Variants in PPP1R13L observed in about 807,000 individuals in gnomAD.
PPP1R13L encodes protein phosphatase 1 regulatory subunit 13 like.
Under a neutral mutation model 80.9 loss-of-function variants are expected in PPP1R13L, and 50 were observed. The ratio of observed to expected loss-of-function variants is 0.62; its 90% confidence interval spans 0.49 to 0.78. PPP1R13L has a LOEUF of 0.78. PPP1R13L is among the 30% of genes least tolerant of loss of function. PPP1R13L has a pLI of 0.00. For synonymous variants in PPP1R13L, 602 were observed against 534.3 expected (o/e 1.13, Z -1.75); for missense variants, 1,200 against 1,205.9 (o/e 1.00, Z 0.07).
At position 45,380,272 on chromosome 19, in the gene PPP1R13L, C is replaced by T. The variant is rs775829968; in HGVS notation, c.2449-44G>A. On this transcript the variant is annotated intron_variant, in intron 12 of 12. Coordinates refer to ENST00000360957, the MANE Select transcript of PPP1R13L (RefSeq NM_006663.4). ...TTCAGACATCAGGAGCTCCCACCTC[C>T]TCATCCCACATGCAAATCCGCTGCC... The T allele has an allele frequency of 6.8e-6, 11 of 1,609,878 alleles. No individual in the cohort carries two copies. In the Admixed American group the frequency reaches 8.3e-5, roughly 12 times the overall value.
At chr19:45,384,430 G>A (rs1195703446) in intron 11 of PPP1R13L, among the ~76,000 whole-genome samples, 1 of 151,520 alleles carries the variant, frequency 6.6e-6, no homozygotes, top group Non-Finnish European at 1.5e-5. Flanking sequence ...AGTTACTCGG[G>A]AGCCTGAGGC....
chr19:45,382,996 C>CTTTTTTTTT lies in PPP1R13L; in HGVS notation c.2249-279_2249-271dup, dbSNP rs60366714. Among the ~76,000 whole-genome samples, 83 of 126,246 alleles carry CTTTTTTTTT rather than the reference C, an allele frequency of 6.6e-4. 2 individuals carry two copies. Among genetic ancestry groups the CTTTTTTTTT allele is most frequent in the South Asian group, 7.3e-4 (3 of 4,092 alleles). 82.8% of individuals were successfully genotyped at this position (126,246 alleles called of 152,430 possible). ...TCAGAGGCTCCCATTTCTTTTCTTTCTTTTTTTTTTTTTTTTGAGACAGAG... is the reference window on the plus strand; with the variant it reads ...TCAGAGGCTCCCATTTCTTTTCTTTCTTTTTTTTTTTTTTTTTTTTTTTTTGAGACAGAG... On this transcript the variant is annotated intron_variant, in intron 11 of 12. Transcript: ENST00000360957.
intron 11 of PPP1R13L, among the ~76,000 whole-genome samples, chr19:45,385,151 G>A (rs974129729): frequency 1.3e-5 from 2 of 152,178 alleles, no homozygotes; most frequent in Non-Finnish European, 2.9e-5. Flanking sequence ...CTTCCTACAA[G>A]CCCCTTTCTG....
chr19:45,392,346 C>T lies in PPP1R13L; in HGVS notation c.1355-6G>A, dbSNP rs199653290. ...GGTGGGGGGTTTGGGGGGTCCTAGCCGGAACAAGAGCCCATCAGAGGACAG... is the reference window on the plus strand; with the variant it reads ...GGTGGGGGGTTTGGGGGGTCCTAGCTGGAACAAGAGCCCATCAGAGGACAG... On this transcript the variant is annotated splice_region_variant and splice_polypyrimidine_tract_variant and intron_variant, in intron 7 of 12. Transcript: ENST00000360957. 6.2e-6 allele frequency: 10 copies of T among 1,612,948 alleles called. No homozygotes were observed. The highest frequency in any genetic ancestry group is 2.2e-5 in the South Asian group (2 of 91,062).
chr19:45,397,476 T>TTCTTTCTTTCTTTCTC, intron 3 of PPP1R13L, among the ~76,000 whole-genome samples: 1 of 105,544 alleles, frequency 9.5e-6, no homozygotes, highest in Non-Finnish European at 1.7e-5. Flanking sequence ...CTCTCTCTCT[T>TTCTTTCTTTCTTTCTC]TCTTTCTTTC....
At position 45,396,717 on chromosome 19, in the gene PPP1R13L, G is replaced by T; in HGVS notation, c.540C>A (p.Arg180=). Residue 180 remains arginine (R), a synonymous_variant, in exon 4 of 13, where the codon CGC becomes CGA. Transcript: ENST00000360957. The surrounding 1 kb of genome is among the most constrained non-coding windows in gnomAD (Gnocchi z 5.3). Reference sequence around the variant, plus strand: ...GGGGGCTGCCGCGGGGGGAGCCTGCGCGGCCCAGGAAGTCGAAAGGCGTGG... The same window carrying T: ...GGGGGCTGCCGCGGGGGGAGCCTGCTCGGCCCAGGAAGTCGAAAGGCGTGG... ...GPPTPFDFLG[R]AGSPRGSPLA... is the part of the protein sequence containing the mutation. 7.1e-7 allele frequency: 1 copy of T among 1,398,764 alleles called. No homozygotes were observed. Among genetic ancestry groups the T allele is most frequent in the South Asian group, 1.7e-5 (1 of 59,384 alleles). 86.6% of individuals were successfully genotyped at this position (1,398,764 alleles called of 1,614,324 possible).
rs1973071555 is a variant in PPP1R13L, at chr19:45,395,708, G to A, written c.1082C>T (p.Pro361Leu). The change falls in exon 7 of 13, where the codon CCC (proline) becomes CTC (leucine). Residue 361 changes from proline (P) to leucine (L), a missense_variant. This residue lies in a region of PPP1R13L where 764 missense variants were observed against 714.5 expected (regional missense o/e 1.07). Coordinates refer to ENST00000360957, the MANE Select transcript of PPP1R13L (RefSeq NM_006663.4). Reference sequence around the variant, plus strand: ...GGGACGCTGGCGCGGGGCCCCGCGGGGCTGGGGGCTGGAGGGGGGCATGGG... The same window carrying A: ...GGGACGCTGGCGCGGGGCCCCGCGGAGCTGGGGGCTGGAGGGGGGCATGGG... ...RIPMPPSSPQ[P>L]RGAPRQRPIP... 2 of 1,468,422 alleles carry A rather than the reference G, an allele frequency of 1.4e-6. No individual in the cohort carries two copies. The highest frequency in any genetic ancestry group is 1.8e-6 in the Non-Finnish European group (2 of 1,117,406). 91.0% of individuals were successfully genotyped at this position (1,468,422 alleles called of 1,614,324 possible). A position where few individuals can be genotyped will look rare whatever the true frequency, so the allele number is the denominator to read the frequency against.
Position 45,396,507 on chromosome 19 carries a change from C to A in PPP1R13L, c.712+38G>T. On this transcript the variant is annotated intron_variant, in intron 4 of 12. Transcript: ENST00000360957. The surrounding 1 kb of genome is among the most constrained non-coding windows in gnomAD (Gnocchi z 5.3). ...CCCCGGATCCTGCCCGCTTTGACCC[C>A]GCGAGTCAAAGGCCCCGCGAGGGGC... 1 of 1,603,566 alleles carries A rather than the reference C, an allele frequency of 6.2e-7. No homozygotes were observed. Among genetic ancestry groups the A allele is most frequent in the South Asian group, 1.1e-5 (1 of 90,626 alleles).
chr19:45,397,131 G>A, intron 3 of PPP1R13L, 73 bp from the exon 4 acceptor site: 1 of 1,176,874 alleles, frequency 8.5e-7, no homozygotes, highest in Non-Finnish European at 1.1e-6. Flanking sequence ...GTGGGCGGGG[G>A]TGTCAAGAGA....
At chr19:45,386,727 C>G (rs1972878719) in intron 8 of PPP1R13L, among the ~76,000 whole-genome samples, 1 of 151,178 alleles carries the variant, frequency 6.6e-6, no homozygotes, top group African/African-American at 2.4e-5. Flanking sequence ...CCTCCATCCC[C>G]CAGGTTCAAG....
At chr19:45,405,805 C>A (rs1229384207), upstream of PPP1R13L, among the ~76,000 whole-genome samples, 3 of 152,184 alleles carry the variant, frequency 2.0e-5, no homozygotes, top group Non-Finnish European at 4.4e-5. Context: ...GTCTAGCCAC[C>A]GTCTCGCGGC....
At position 45,396,809 on chromosome 19, in the gene PPP1R13L, C is replaced by G; in HGVS notation, c.448G>C (p.Gly150Arg). The G allele has an allele frequency of 7.0e-7, 1 of 1,432,460 alleles. No homozygotes were observed. The highest frequency in any genetic ancestry group is 9.1e-7 in the Non-Finnish European group (1 of 1,101,138). 88.7% of individuals were successfully genotyped at this position (1,432,460 alleles called of 1,614,324 possible). A position where few individuals can be genotyped will look rare whatever the true frequency, so the allele number is the denominator to read the frequency against. Residue 150 changes from glycine (G) to arginine (R), a missense_variant, in exon 4 of 13, where the codon GGC becomes CGC. By Grantham distance (125) the Gly-to-Arg change is moderately radical (BLOSUM62 -2). This residue lies in a region of PPP1R13L where 764 missense variants were observed against 714.5 expected (regional missense o/e 1.07). Coordinates refer to ENST00000360957, the MANE Select transcript of PPP1R13L (RefSeq NM_006663.4). This position sits in a 1 kb window ranked among gnomAD's most constrained non-coding sequence, Gnocchi z 5.3. ...GAGGGCGCACGGCCGAGGGAGCTGC[C>G]TGCGCCATCGAAGGCGCGGGGCCGG... ...SPRPRAFDGA[G>R]SSLGRAPSPR...
chr19:45,382,128 C>A (rs2123344283), intron 12 of PPP1R13L, among the ~76,000 whole-genome samples: 1 of 151,576 alleles, frequency 6.6e-6, no homozygotes, highest in African/African-American at 2.4e-5. Flanking sequence ...CCTGTAATCC[C>A]AGGCAGGAGA....
chr19:45,389,115 AC>A (rs1972921486), intron 8 of PPP1R13L, among the ~76,000 whole-genome samples: 1 of 152,172 alleles, frequency 6.6e-6, no homozygotes. Context: ...TAAGACGGTG[AC>A]ACTAGCGTTT....
Position 45,396,480 on chromosome 19 carries a change from A to G in PPP1R13L, c.713-44T>C. ...GGAGGATGAGACGGGAGGGGTGGCG[A>G]GCCCCGGATCCTGCCCGCTTTGACC... is the stretch of plus-strand genomic sequence containing the variant. On this transcript the variant is annotated intron_variant, in intron 4 of 12. Coordinates refer to ENST00000360957, the MANE Select transcript of PPP1R13L (RefSeq NM_006663.4). This position sits in a 1 kb window ranked among gnomAD's most constrained non-coding sequence, Gnocchi z 5.3. 6.2e-7 allele frequency: 1 copy of G among 1,612,110 alleles called. No individual in the cohort carries two copies. Among genetic ancestry groups the G allele is most frequent in the East Asian group, 2.2e-5 (1 of 44,842 alleles).
chr19:45,397,337 C>T (rs1010889647), intron 3 of PPP1R13L, among the ~76,000 whole-genome samples: 3 of 151,612 alleles, frequency 2.0e-5, no homozygotes, highest in Non-Finnish European at 4.4e-5. Flanking sequence ...TCCACTGGTC[C>T]CCTCTTTTCT....
chr19:45,399,043 A>C (rs990661389), intron 1 of PPP1R13L, among the ~76,000 whole-genome samples: 23 of 151,876 alleles, frequency 1.5e-4, no homozygotes, highest in Non-Finnish European at 2.1e-4. Flanking sequence ...TCCAGGGTTC[A>C]TGCCAGTCTC....
Position 45,404,809 on chromosome 19 carries a change from T to C in PPP1R13L, c.-22+190A>G, listed in dbSNP as rs538266894. 2.6e-5 allele frequency among the ~76,000 whole-genome samples: 4 copies of C among 152,228 alleles called. No individual in the cohort carries two copies. The South Asian group carries it at 8.3e-4, about 32-fold the overall frequency. ...GGGTAGAATCCCTCCATTCCAAGAA[T>C]TCAGGCATCCGAACCCGCTTTCCTT... On this transcript the variant is annotated intron_variant, in intron 1 of 12. Coordinates refer to ENST00000360957, the MANE Select transcript of PPP1R13L (RefSeq NM_006663.4).
At chr19:45,397,514 C>CT (rs1599776233) in intron 3 of PPP1R13L, among the ~76,000 whole-genome samples, 2 of 124,948 alleles carry the variant, frequency 1.6e-5, no homozygotes, top group South Asian at 5.6e-4. Context: ...TTCTTTCTTT[C>CT]TTTTCTATCT....
Sources: allele counts gnomAD v4.1 joint callset (sites outside exome capture counted in the v4.1 genomes callset), GRCh38; gene constraint gnomAD v4.1.1; regional missense constraint gnomAD v4.1.1; non-coding constraint Gnocchi (gnomAD v3.1); transcripts MANE v1.5; gene names NCBI Gene and HGNC (gene_info 2026-07-23, HGNC 2026-07-21).